POLD1: variants seen among roughly 807,000 people sequenced by gnomAD.
POLD1 encodes DNA polymerase delta catalytic subunit.
A neutral mutation model predicts 129.7 loss-of-function variants in POLD1; 79 were observed. That is an observed-to-expected ratio of 0.61 (90% CI 0.51 to 0.73). The LOEUF (loss-of-function observed/expected upper bound fraction) is 0.73, where lower values mean the gene tolerates loss of function less well. Among genes scored for constraint, POLD1 ranks in the 30% least tolerant of loss-of-function variants. The pLI, the probability that POLD1 is intolerant of heterozygous loss-of-function variation, is 0.00. For missense variants in POLD1, 1,338 were observed against 1,595.8 expected, an observed-to-expected ratio of 0.84 and a Z score of 2.75; for synonymous variants, 714 against 683.3, an observed-to-expected ratio of 1.04 and a Z score of -0.70.
Position 50,401,594 on chromosome 19 carries a change from G to A in POLD1, c.317-184G>A, listed in dbSNP as rs41550518. ...AGGGCCTCCCTGTAGTTGTGCTGTG[G>A]AGAATGGATCCTGGGGGATGAGGCT... On this transcript the variant is annotated intron_variant, in intron 3 of 26. Transcript: ENST00000440232. 4.3e-3 allele frequency among the ~76,000 whole-genome samples: 657 copies of A among 151,820 alleles called. 5 individuals carry two copies. Among genetic ancestry groups the A allele is most frequent in the Middle Eastern group, 0.014 (4 of 294 alleles).
At chr19:50,415,654 TTCCTACACCCTCG>T in intron 21 of POLD1, 57 bp from the exon 22 acceptor site, 1 of 1,549,624 alleles carries the variant, frequency 6.5e-7, no homozygotes, top group South Asian at 1.2e-5. Flanking sequence ...CTGGGCCCAC[TTCCTACACCCTCG>T]CCCCCACCCC....
Position 50,416,710 on chromosome 19 carries a change from G to A in POLD1, c.3054G>A (p.Val1018=), listed in dbSNP as rs369613619. Residue 1018 remains valine (V), a synonymous_variant, in exon 24 of 27, where the codon GTG becomes GTA. Transcript: ENST00000440232. ...RRNCCIGCRT[V]LSHQGAVCEF... is the part of the protein sequence containing the mutation. Reference sequence around the variant, plus strand: ...ACTGCTGCATTGGCTGCCGCACAGTGCTCAGCCACCAGGGTGAGCGGCCCT... The same window carrying A: ...ACTGCTGCATTGGCTGCCGCACAGTACTCAGCCACCAGGGTGAGCGGCCCT... 1.1e-3 allele frequency: 1,734 copies of A among 1,539,184 alleles called. 1 individual carries two copies. Among genetic ancestry groups the A allele is most frequent in the Admixed American group, 1.3e-3 (69 of 51,122 alleles).
intron 19 of POLD1, among the ~76,000 whole-genome samples, chr19:50,414,426 C>T (rs979090825): frequency 1.3e-5 from 2 of 152,256 alleles, no homozygotes; most frequent in Non-Finnish European, 2.9e-5. Flanking sequence ...CGTGGCTTAA[C>T]GCTCTCTCGT....
rs1555789124 is a variant in POLD1 at position 50,398,994 on chromosome 19, A to G, written c.143A>G (p.His48Arg). The stretch of plus-strand genomic sequence containing the variant: ...CTGATGGAGGAGATGGAGGCAGAAC[A>G]CAGGCTGCAGGAGCAGGAGGAGGAG... Reference protein sequence around the residue: ...LALMEEMEAEHRLQEQEEEEL... With the variant: ...LALMEEMEAERRLQEQEEEEL... Residue 48 changes from histidine to arginine, a missense_variant, in exon 2 of 27, where the codon CAC (histidine) becomes CGC (arginine). Transcript: ENST00000440232. 1 of 1,568,286 alleles carries G rather than the reference A, an allele frequency of 6.4e-7. No homozygotes were observed. The highest frequency in any genetic ancestry group is 1.3e-5 in the African/African-American group (1 of 74,290).
intron 1 of POLD1, chr19:50,394,078 T>C (rs1163107116): frequency 6.6e-6 from 1 of 152,262 alleles, no homozygotes; most frequent in Non-Finnish European, 1.5e-5. Context: ...GTGTGCAGGG[T>C]TGGCAGACAG....
In POLD1 at chr19:50,417,153, C is replaced by G. The variant is rs3212330; in HGVS notation, c.3121-19C>G. 2.5e-6 allele frequency: 4 copies of G among 1,580,806 alleles called. No individual in the cohort carries two copies. Among genetic ancestry groups the G allele is most frequent in the South Asian group, 1.1e-5 (1 of 87,340 alleles). ...GGTGGGGAGGCGGGGGCGCCCTGCT[C>G]AGCCGCTGCCGTCCCCAGGTATCCC... On this transcript the variant is annotated intron_variant, in intron 25 of 26. Transcript: ENST00000440232.
rs2038865356 is a variant in POLD1 at position 50,406,084 on chromosome 19, G to A, written c.1243-98G>A. On this transcript the variant is annotated intron_variant, in intron 10 of 26. Coordinates refer to ENST00000440232, the MANE Select transcript of POLD1 (RefSeq NM_002691.4). This position sits in a 1 kb window ranked among gnomAD's most constrained non-coding sequence, Gnocchi z 5.5. The stretch of plus-strand genomic sequence containing the variant: ...CCAGGGTTGCTCTCGACCCCCTAGG[G>A]TTGTTATAAGGATGTTGTGGTTGGT... The A allele has an allele frequency of 4.1e-6, 6 of 1,458,568 alleles. No individual in the cohort carries two copies. Among genetic ancestry groups the A allele is most frequent in the Non-Finnish European group, 5.6e-6 (6 of 1,064,988 alleles). The allele number at this position is 1,458,568 out of a possible 1,614,324, so 90.4% of individuals were successfully genotyped here. A position where few individuals can be genotyped will look rare whatever the true frequency, so the allele number is the denominator to read the frequency against.
rs2039027713 is a variant in POLD1 at position 50,409,722 on chromosome 19, A to T, written c.2154+56A>T. 3 of 1,525,392 alleles carry T rather than the reference A, an allele frequency of 2.0e-6. No individual in the cohort carries two copies. The highest frequency in any genetic ancestry group is 2.7e-6 in the Non-Finnish European group (3 of 1,131,938). 94.5% of individuals were successfully genotyped at this position (1,525,392 alleles called of 1,614,324 possible). A position where few individuals can be genotyped will look rare whatever the true frequency, so the allele number is the denominator to read the frequency against. On this transcript the variant is annotated intron_variant, in intron 17 of 26. Coordinates refer to ENST00000440232, the MANE Select transcript of POLD1 (RefSeq NM_002691.4). The surrounding 1 kb of genome is among the most constrained non-coding windows in gnomAD (Gnocchi z 5.8). ...GGGGCAGGTGGGCCCCCTGTGTAGGAGACCAGGGCTCCATGTGGGGGACCT... is the reference window on the plus strand; with the variant it reads ...GGGGCAGGTGGGCCCCCTGTGTAGGTGACCAGGGCTCCATGTGGGGGACCT...
chr19:50,387,855 A>G (rs59182168), intron 1 of POLD1: 2 of 152,586 alleles, frequency 1.3e-5, no homozygotes, highest in African/African-American at 4.8e-5. Context: ...AACGCAGTCA[A>G]AGTCTTCCTC....
Position 50,402,487 on chromosome 19 carries a change from C to G in POLD1, c.792C>G (p.Asn264Lys). The change falls in exon 7 of 27, where the codon AAC (asparagine) becomes AAG (lysine). Residue 264 changes from asparagine to lysine, a missense_variant. By Grantham distance (94) the Asn-to-Lys change is moderately conservative (BLOSUM62 0). Around this residue, in one of 3 missense-constraint regions of POLD1, gnomAD observed 720 missense variants for 1,002.6 expected, o/e 0.72. Coordinates refer to ENST00000440232, the MANE Select transcript of POLD1 (RefSeq NM_002691.4). The part of the protein sequence containing the change: ...FMVDTDIVGC[N>K]WLELPAGKYA... ...TGGACACGGACATCGTCGGCTGCAA[C>G]TGGCTGGAGCTCCCAGCTGGGAAAT... 1 of 1,611,740 alleles carries G rather than the reference C, an allele frequency of 6.2e-7. No homozygotes were observed. Among genetic ancestry groups the G allele is most frequent in the Non-Finnish European group, 8.5e-7 (1 of 1,179,132 alleles).
At chr19:50,392,105 C>G (rs546867639) in intron 1 of POLD1, among the ~76,000 whole-genome samples, 26 of 152,170 alleles carry the variant, frequency 1.7e-4, no homozygotes, top group Non-Finnish European at 2.2e-4. Context: ...ATGTCTTGCT[C>G]TCTTGCCCAG....
At chr19:50,386,969 G>A (rs1390397208) in intron 1 of POLD1, among the ~76,000 whole-genome samples, 2 of 152,210 alleles carry the variant, frequency 1.3e-5, no homozygotes, top group African/African-American at 4.8e-5. Flanking sequence ...GAGGCGGGCA[G>A]ATCATGAGGT....
At chr19:50,401,367 GTATATA>G (rs1194001538) in intron 3 of POLD1, among the ~76,000 whole-genome samples, 1 of 55,964 alleles carries the variant, frequency 1.8e-5, no homozygotes, top group African/African-American at 9.2e-5. Context: ...GTGTATATGT[GTATATA>G]TATATATATA....
rs749601227 is a variant in POLD1 at position 50,403,112 on chromosome 19, TG to T, written c.1036del (p.Glu346SerfsTer47). On this transcript the variant is annotated frameshift_variant, in exon 9 of 27. Transcript: ENST00000440232. LOFTEE classifies it high-confidence loss of function. ...CCAGATCTGCTCGCTGGGCCTGCGC[TG>T]GGGGGAGCCGGAGCCCTTCCTACGC... ...VIQICSLGLRWGEPEPFLRLA... is the reference protein window; with the variant it reads ...VIQICSLGLRXGEPEPFLRLA... The T allele has an allele frequency of 1.3e-6, 2 of 1,564,830 alleles. No homozygotes were observed. The highest frequency in any genetic ancestry group is 8.7e-7 in the Non-Finnish European group (1 of 1,154,202).
Position 50,414,896 on chromosome 19 carries a change from A to C in POLD1, c.2470A>C (p.Met824Leu). ...CTCCCGGCCCGACGCCCACGACCGCATGGACTGCAAGGGCCTGGAGGCCGT... is the reference window on the plus strand; with the variant it reads ...CTCCCGGCCCGACGCCCACGACCGCCTGGACTGCAAGGGCCTGGAGGCCGT... ...FSSRPDAHDR[M>L]DCKGLEAVRR... The change falls in exon 20 of 27, where the codon ATG becomes CTG. Residue 824 changes from methionine to leucine, a missense_variant. By Grantham distance (15) the Met-to-Leu change is conservative (BLOSUM62 2). Around this residue, in one of 3 missense-constraint regions of POLD1, gnomAD observed 720 missense variants for 1,002.6 expected, o/e 0.72. Coordinates refer to ENST00000440232, the MANE Select transcript of POLD1 (RefSeq NM_002691.4). 6.2e-7 allele frequency: 1 copy of C among 1,609,538 alleles called. No homozygotes were observed. Among genetic ancestry groups the C allele is most frequent in the East Asian group, 2.2e-5 (1 of 44,602 alleles).
rs1197086508 is a variant in POLD1 at position 50,416,249 on chromosome 19, C to T, written c.2821-147C>T. 2.6e-5 allele frequency: 20 copies of T among 763,838 alleles called. No individual in the cohort carries two copies. The East Asian group carries it at 5.1e-4, about 20-fold the overall frequency. The allele number at this position is 763,838 out of a possible 1,614,324, so 47.3% of individuals were successfully genotyped here. ...ACTCTGTGGCCCAGAGACTCCGTGA[C>T]CTCCGACCCCATCCCAGACCCAGGC... On this transcript the variant is annotated intron_variant, in intron 22 of 26. Coordinates refer to ENST00000440232, the MANE Select transcript of POLD1 (RefSeq NM_002691.4).
chr19:50,416,752 C>G (rs2039312655), intron 24 of POLD1, 29 bp downstream of exon 24: 2 of 1,458,136 alleles, frequency 1.4e-6, no homozygotes, highest in Admixed American at 2.0e-5. Context: ...TGGGCCCCCA[C>G]TGGCCCTCAA....
rs755710825 is a variant in POLD1 at position 50,399,091 on chromosome 19, A to C, written c.202+38A>C. 6.5e-7 allele frequency: 1 copy of C among 1,550,310 alleles called. No individual in the cohort carries two copies. The highest frequency in any genetic ancestry group is 2.4e-5 in the East Asian group (1 of 40,930). The stretch of plus-strand genomic sequence containing the variant: ...GTTGGAGGTTCCTGCTGCCCAACCC[A>C]TTGCCCCTGGTCTTGCCTTTGGTCC... On this transcript the variant is annotated intron_variant, in intron 2 of 26. Coordinates refer to ENST00000440232, the MANE Select transcript of POLD1 (RefSeq NM_002691.4).
intron 1 of POLD1, among the ~76,000 whole-genome samples, chr19:50,392,005 C>G (rs1471223551): frequency 6.6e-6 from 1 of 152,138 alleles, no homozygotes; most frequent in Non-Finnish European, 1.5e-5. Flanking sequence ...GCGTGAGCCA[C>G]TGCACCTGGC....
Sources: allele counts gnomAD v4.1 joint callset (sites outside exome capture counted in the v4.1 genomes callset), GRCh38; gene constraint gnomAD v4.1.1; regional missense constraint gnomAD v4.1.1; non-coding constraint Gnocchi (gnomAD v3.1); transcripts MANE v1.5; gene names NCBI Gene and HGNC (gene_info 2026-07-23, HGNC 2026-07-21).